Variants in PUS7L observed in about 807,000 individuals in gnomAD.
The protein encoded by PUS7L is pseudouridine synthase 7 like, also known as pseudouridylate synthase PUS7L.
A neutral mutation model predicts 51.1 loss-of-function variants in PUS7L; 49 were observed. That is an observed-to-expected ratio of 0.96 (90% CI 0.76 to 1.22). PUS7L has a LOEUF of 1.22. PUS7L is among the 50% of genes most tolerant of loss of function. The probability of loss-of-function intolerance (pLI) is 0.00; values close to 1 mark genes in which losing one functional copy is unlikely to be tolerated. For synonymous variants in PUS7L, 277 were observed against 276.2 expected (o/e 1.00, Z -0.03); for missense variants, 828 against 820.6 (o/e 1.01, Z -0.11).
chr12:43,741,986 C>T (rs559140111), intron 5 of PUS7L, among the ~76,000 whole-genome samples: 1 of 152,158 alleles, frequency 6.6e-6, no homozygotes, highest in South Asian at 2.1e-4. Context: ...AGCAGATATA[C>T]ACACATACGC....
chr12:43,749,181 G>C (rs1224630829), intron 2 of PUS7L, among the ~76,000 whole-genome samples: 1 of 152,116 alleles, frequency 6.6e-6, no homozygotes, highest in African/African-American at 2.4e-5. Flanking sequence ...CTGTCTCCAA[G>C]TGCACCACTT....
At chr12:43,758,692 C>T in intron 1 of PUS7L, 38 bp downstream of exon 1, 1 of 883,006 alleles carries the variant, frequency 1.1e-6, no homozygotes, top group Non-Finnish European at 1.3e-6. Context: ...CACACACATA[C>T]AAGCCCACCA....
At chr12:43,738,496 A>G in intron 5 of PUS7L, 105 bp from the exon 6 acceptor site, 1 of 650,536 alleles carries the variant, frequency 1.5e-6, no homozygotes, top group Non-Finnish European at 2.7e-6. Flanking sequence ...GGGATTTAAT[A>G]ATTATACTTG....
intron 7 of PUS7L, among the ~76,000 whole-genome samples, chr12:43,733,696 T>C (rs1311742052): frequency 6.6e-6 from 1 of 152,240 alleles, no homozygotes; most frequent in Admixed American, 6.5e-5. Flanking sequence ...CAATATTTAA[T>C]TGGACATGTT....
intron 6 of PUS7L, chr12:43,738,058 G>A: frequency 3.0e-6 from 1 of 330,142 alleles, no homozygotes; most frequent in Non-Finnish European, 5.5e-6. Context: ...TTTCAGCCAA[G>A]AAAAACTAAG....
rs1291582523 is a variant in PUS7L, at chr12:43,728,771, G to A, written c.*1605C>T. 2 of 152,914 alleles carry A rather than the reference G, an allele frequency of 1.3e-5. No homozygotes were observed. Among genetic ancestry groups the A allele is most frequent in the Non-Finnish European group, 2.9e-5 (2 of 68,614 alleles). 9.5% of individuals were successfully genotyped at this position (152,914 alleles called of 1,614,324 possible). On this transcript the variant is annotated 3_prime_UTR_variant, in exon 9 of 9. Coordinates refer to ENST00000344862, the MANE Select transcript of PUS7L (RefSeq NM_031292.5). ...CAGACACTTACTTAACAATAACTAAGTGCCAGGCACTTTTTAAAGTTGCTT... is the reference window on the plus strand; with the variant it reads ...CAGACACTTACTTAACAATAACTAAATGCCAGGCACTTTTTAAAGTTGCTT...
chr12:43,747,297 T>C (rs1421518060), intron 3 of PUS7L, among the ~76,000 whole-genome samples: 5 of 152,228 alleles, frequency 3.3e-5, no homozygotes, highest in Non-Finnish European at 7.3e-5. Flanking sequence ...TTAGTCTATA[T>C]GATAGACATA....
chr12:43,738,637 C>G (rs1043094364), intron 5 of PUS7L, among the ~76,000 whole-genome samples: 1 of 152,082 alleles, frequency 6.6e-6, no homozygotes, highest in Non-Finnish European at 1.5e-5. Flanking sequence ...ATTTCCCTAT[C>G]ACTTCCATAA....
Position 43,721,428 on chromosome 12 carries a change from T to G in PUS7L, c.*8948A>C, listed in dbSNP as rs1944395837. ...AAAGCATTATAAAGATACCCAATTT[T>G]AATACTCTAAACTTTCTATGAGGGG... On this transcript the variant is annotated 3_prime_UTR_variant, in exon 9 of 9. Transcript: ENST00000344862. 1 of 152,334 alleles carries G rather than the reference T, an allele frequency of 6.6e-6. No individual in the cohort carries two copies. The highest frequency in any genetic ancestry group is 1.9e-4 in the East Asian group (1 of 5,192). The allele number at this position is 152,334 out of a possible 1,614,324, so 9.4% of individuals were successfully genotyped here.
chr12:43,751,613 T>C (rs1242306476), intron 2 of PUS7L, among the ~76,000 whole-genome samples: 3 of 152,146 alleles, frequency 2.0e-5, no homozygotes, highest in African/African-American at 7.2e-5. Context: ...GACATTTGGG[T>C]TGGTTCCAAG....
chr12:43,752,553 T>C (rs781341083), intron 2 of PUS7L, among the ~76,000 whole-genome samples: 24 of 152,152 alleles, frequency 1.6e-4, no homozygotes, highest in Non-Finnish European at 3.1e-4. Flanking sequence ...TATTCAGCCT[T>C]AAAAGGGAAG....
In PUS7L at chr12:43,721,384, T is replaced by G. The variant is rs963841037; in HGVS notation, c.*8992A>C. On this transcript the variant is annotated 3_prime_UTR_variant, in exon 9 of 9. Transcript: ENST00000344862. Reference sequence around the variant, plus strand: ...TTAATATTTCAATAAAAGGCAAAGATGAAAGTATTACAAAAGAAAAAGCAT... The same window carrying G: ...TTAATATTTCAATAAAAGGCAAAGAGGAAAGTATTACAAAAGAAAAAGCAT... 1.3e-5 allele frequency: 2 copies of G among 152,182 alleles called. No homozygotes were observed. The highest frequency in any genetic ancestry group is 3.8e-4 in the East Asian group (2 of 5,200). The allele number at this position is 152,182 out of a possible 1,614,324, so 9.4% of individuals were successfully genotyped here. A position where few individuals can be genotyped will look rare whatever the true frequency, so the allele number is the denominator to read the frequency against.
chr12:43,748,828 A>G (rs1938303290), intron 2 of PUS7L, among the ~76,000 whole-genome samples: 1 of 152,036 alleles, frequency 6.6e-6, no homozygotes, highest in African/African-American at 2.4e-5. Flanking sequence ...GGTTCCAGTG[A>G]TTCTCCTGCC....
intron 1 of PUS7L, among the ~76,000 whole-genome samples, chr12:43,756,608 A>G (rs1465669692): frequency 6.6e-6 from 1 of 152,084 alleles, no homozygotes; most frequent in Non-Finnish European, 1.5e-5. Context: ...CATCCATTCA[A>G]TGTCTTGGAC....
At chr12:43,738,807 C>CT (rs2137690313) in intron 5 of PUS7L, 1 of 293,960 alleles carries the variant, frequency 3.4e-6, no homozygotes, top group East Asian at 1.1e-4. Context: ...AATAGTAAAA[C>CT]TTTTTTGCAG....
chr12:43,744,212 C>T (rs908671511), intron 4 of PUS7L, among the ~76,000 whole-genome samples: 15 of 152,132 alleles, frequency 9.9e-5, no homozygotes, highest in African/African-American at 2.9e-4. Context: ...TCAAGGAAAA[C>T]GAAGGTAAAA....
At position 43,746,342 on chromosome 12, in the gene PUS7L, T is replaced by C. The variant is rs559116604; in HGVS notation, c.1071-104A>G. On this transcript the variant is annotated intron_variant, in intron 3 of 8. Coordinates refer to ENST00000344862, the MANE Select transcript of PUS7L (RefSeq NM_031292.5). ...TGCCAAGCAACCCCTTATATGAGAA[T>C]ACTAATACAATTTTTTAAGAATATT... 5.6e-6 allele frequency: 3 copies of C among 532,484 alleles called. No individual in the cohort carries two copies. In the South Asian group the frequency reaches 8.8e-5, roughly 16 times the overall value. 33.0% of individuals were successfully genotyped at this position (532,484 alleles called of 1,614,324 possible).
At position 43,731,703 on chromosome 12, in the gene PUS7L, A is replaced by C. The variant is rs146426588; in HGVS notation, c.1779+2T>G. 8.4e-6 allele frequency: 13 copies of C among 1,550,616 alleles called. No individual in the cohort carries two copies. Among genetic ancestry groups the C allele is most frequent in the Non-Finnish European group, 1.1e-5 (12 of 1,132,464 alleles). On this transcript the variant is annotated splice_donor_variant, in intron 8 of 8. Coordinates refer to ENST00000344862, the MANE Select transcript of PUS7L (RefSeq NM_031292.5). LOFTEE classifies it high-confidence loss of function. ...GTGATAGTAATTTTTAAGCAAATTT[A>C]CCTGATGTATTGCATACATATTAGC...
chr12:43,740,740 GTGAAAGTATGCCACTTC>G (rs1450562598), intron 5 of PUS7L: 2 of 152,256 alleles, frequency 1.3e-5, no homozygotes, highest in Non-Finnish European at 2.9e-5. Context: ...GACAGAAGAA[GTGAAAGTATGCCACTTC>G]TGAGACTAGG....
Sources: allele counts gnomAD v4.1 joint callset (sites outside exome capture counted in the v4.1 genomes callset), GRCh38; gene constraint gnomAD v4.1.1; transcripts MANE v1.5; gene names NCBI Gene and HGNC (gene_info 2026-07-23, HGNC 2026-07-21).